ACSF2: variants seen among roughly 807,000 people sequenced by gnomAD.
ACSF2 encodes acyl-CoA synthetase family member 2.
Under a neutral mutation model 79.3 loss-of-function variants are expected in ACSF2, and 52 were observed. That is an observed-to-expected ratio of 0.66 (90% CI 0.53 to 0.83). ACSF2 has a LOEUF of 0.83. ACSF2 is among the 40% of genes least tolerant of loss of function. The pLI, the probability that ACSF2 is intolerant of heterozygous loss-of-function variation, is 0.00. For missense variants in ACSF2, 661 were observed against 803.3 expected (o/e 0.82, Z 2.14); for synonymous variants, 283 against 312.6 (o/e 0.91, Z 1.00).
At chr17:50,451,369 G>A (rs1233789814) in intron 1 of ACSF2, among the ~76,000 whole-genome samples, 2 of 152,186 alleles carry the variant, frequency 1.3e-5, no homozygotes, top group Non-Finnish European at 2.9e-5. Flanking sequence ...CCAAGCAGCT[G>A]AATCATTTTA....
At position 50,468,784 on chromosome 17, in the gene ACSF2, G is replaced by C; in HGVS notation, c.1216-2244G>C. The stretch of plus-strand genomic sequence containing the variant: ...CCGGCAGCAGACCAGCCAGGAGGCC[G>C]AGGCTGAGCAAGAGCATTGGGCGGA... On this transcript the variant is annotated intron_variant, in intron 10 of 15. Transcript: ENST00000300441. 3 of 1,567,022 alleles carry C rather than the reference G, an allele frequency of 1.9e-6. No homozygotes were observed. The South Asian group carries it at 3.4e-5, about 18-fold the overall frequency.
intron 1 of ACSF2, among the ~76,000 whole-genome samples, chr17:50,435,754 A>G (rs1413224762): frequency 6.6e-6 from 1 of 151,740 alleles, no homozygotes; most frequent in Non-Finnish European, 1.5e-5. Flanking sequence ...ATAAAGTCTA[A>G]TTTATTAAGT....
At position 50,463,194 on chromosome 17, in the gene ACSF2, C is replaced by T. The variant is rs771032814; in HGVS notation, c.831C>T (p.His277=). The part of the protein sequence containing the change: ...TGSPKGATLS[H]YNIVNNSNIL... ...GCCCCAAGGGGGCCACCCTCTCCCACTACAACATTGTCAACAACTCCAACA... is the reference window on the plus strand; with the variant it reads ...GCCCCAAGGGGGCCACCCTCTCCCATTACAACATTGTCAACAACTCCAACA... Residue 277 remains histidine, a synonymous_variant, in exon 7 of 16, where the codon CAC becomes CAT. Coordinates refer to ENST00000300441, the MANE Select transcript of ACSF2 (RefSeq NM_025149.6). The surrounding 1 kb of genome is among the most constrained non-coding windows in gnomAD (Gnocchi z 4.6). The T allele has an allele frequency of 1.2e-6, 2 of 1,614,094 alleles. No individual in the cohort carries two copies. The highest frequency in any genetic ancestry group is 1.7e-5 in the Admixed American group (1 of 60,016).
intron 10 of ACSF2, chr17:50,467,743 T>G: frequency 6.3e-6 from 2 of 317,346 alleles, no homozygotes; most frequent in Non-Finnish European, 1.1e-5. Flanking sequence ...CTGCTCACAG[T>G]TGGGGGTTTG....
chr17:50,457,708 T>G (rs1439952419), intron 1 of ACSF2, among the ~76,000 whole-genome samples: 2 of 152,214 alleles, frequency 1.3e-5, no homozygotes, highest in Non-Finnish European at 1.5e-5. Context: ...TACATTTCTC[T>G]TCCTACCACA....
chr17:50,471,711 C>T lies in ACSF2; in HGVS notation c.1323+576C>T, dbSNP rs1407631665. 6.3e-6 allele frequency: 1 copy of T among 159,736 alleles called. No homozygotes were observed. Among genetic ancestry groups the T allele is most frequent in the Non-Finnish European group, 1.4e-5 (1 of 72,378 alleles). 9.9% of individuals were successfully genotyped at this position (159,736 alleles called of 1,614,324 possible). A position where few individuals can be genotyped will look rare whatever the true frequency, so the allele number is the denominator to read the frequency against. ...TTCCCCTGCACCCTTCTGCTCCCGC[C>T]CCTGGGGGATCGCTGCCCCCGTGCA... On this transcript the variant is annotated intron_variant, in intron 11 of 15. Coordinates refer to ENST00000300441, the MANE Select transcript of ACSF2 (RefSeq NM_025149.6). The surrounding 1 kb of genome is among the most constrained non-coding windows in gnomAD (Gnocchi z 4.1).
At chr17:50,462,796 T>A in intron 6 of ACSF2, 1 of 623,474 alleles carries the variant, frequency 1.6e-6, no homozygotes, top group Non-Finnish European at 2.7e-6. Context: ...ACTCCAGCCC[T>A]CTTGTTCCCG....
chr17:50,451,445 T>G (rs1490750712), intron 1 of ACSF2, among the ~76,000 whole-genome samples: 1 of 152,150 alleles, frequency 6.6e-6, no homozygotes, highest in African/African-American at 2.4e-5. Context: ...TGTTATTTTG[T>G]TTTTTTATTT....
intron 6 of ACSF2, 88 bp downstream of exon 6, chr17:50,462,673 A>C (rs1217026159): frequency 1.3e-5 from 19 of 1,467,434 alleles, no homozygotes; most frequent in Non-Finnish European, 1.8e-5. Flanking sequence ...GAGACAGCAG[A>C]GGAGAGCATG....
At chr17:50,429,990 G>C (rs1915376791) in intron 1 of ACSF2, among the ~76,000 whole-genome samples, 1 of 152,240 alleles carries the variant, frequency 6.6e-6, no homozygotes, top group Non-Finnish European at 1.5e-5. Context: ...CCTGGGCTGA[G>C]CAGGCTTCCC....
At chr17:50,427,150 T>C (rs1034198005) in intron 1 of ACSF2, among the ~76,000 whole-genome samples, 7 of 152,168 alleles carry the variant, frequency 4.6e-5, no homozygotes, top group Non-Finnish European at 1.0e-4. Flanking sequence ...GTCCTACCAC[T>C]CAACTCGGCC....
intron 4 of ACSF2, 70 bp downstream of exon 4, chr17:50,461,756 C>CA: frequency 6.3e-7 from 1 of 1,579,734 alleles, no homozygotes; most frequent in Non-Finnish European, 8.7e-7. Flanking sequence ...CTCTGCTTGT[C>CA]AGAGTCTGAC....
chr17:50,436,682 C>T (rs1370212833), intron 1 of ACSF2, among the ~76,000 whole-genome samples: 1 of 151,756 alleles, frequency 6.6e-6, no homozygotes, highest in African/African-American at 2.4e-5. Flanking sequence ...GATCCACCTA[C>T]CTCGGCCTCC....
intron 1 of ACSF2, among the ~76,000 whole-genome samples, chr17:50,439,351 A>G (rs2030709292): frequency 6.6e-6 from 1 of 151,124 alleles, no homozygotes; most frequent in African/African-American, 2.4e-5. Flanking sequence ...CTGGGATCAC[A>G]GGCATGAGCC....
At chr17:50,468,107 T>A (rs750533547) in intron 10 of ACSF2, 14 of 1,613,970 alleles carry the variant, frequency 8.7e-6, no homozygotes, top group Non-Finnish European at 1.1e-5. Flanking sequence ...GAAGGCATTG[T>A]CCGGGATGCT....
chr17:50,437,146 T>G (rs2030496179), intron 1 of ACSF2, among the ~76,000 whole-genome samples: 1 of 152,024 alleles, frequency 6.6e-6, no homozygotes, highest in Non-Finnish European at 1.5e-5. Context: ...GAGTGGCACA[T>G]GGACTAGAAG....
In ACSF2 at chr17:50,463,370, C is replaced by T. The variant is rs373123802; in HGVS notation, c.889-25C>T. On this transcript the variant is annotated intron_variant, in intron 7 of 15. Transcript: ENST00000300441. The surrounding 1 kb of genome is among the most constrained non-coding windows in gnomAD (Gnocchi z 4.6). ...AACTGGCGTCTGGCTCCAAGACAGA[C>T]CCAGCCTCCTGTCTCCATCACCAGA... 8 of 1,612,226 alleles carry T rather than the reference C, an allele frequency of 5.0e-6. No individual in the cohort carries two copies. Among genetic ancestry groups the T allele is most frequent in the African/African-American group, 1.3e-5 (1 of 74,906 alleles).
chr17:50,467,555 C>G (rs1267784879), intron 10 of ACSF2, among the ~76,000 whole-genome samples: 1 of 152,188 alleles, frequency 6.6e-6, no homozygotes, highest in Non-Finnish European at 1.5e-5. Context: ...TCCCCCACTC[C>G]CCCTTAGCAC....
chr17:50,438,244 T>C (rs899332122), intron 1 of ACSF2, among the ~76,000 whole-genome samples: 1 of 152,234 alleles, frequency 6.6e-6, no homozygotes, highest in African/African-American at 2.4e-5. Flanking sequence ...ACACATCACT[T>C]CATTTGTGTG....
Sources: gnomAD v4.1 joint callset for allele counts (sites outside exome capture counted in the v4.1 genomes callset) on GRCh38, gnomAD v4.1.1 for gene constraint, Gnocchi (gnomAD v3.1) non-coding constraint, MANE v1.5 for transcripts, NCBI Gene and HGNC (gene_info 2026-07-23, HGNC 2026-07-21) for gene names.